Variants in PDZRN3 observed in about 807,000 individuals in gnomAD.
PDZRN3 encodes PDZ domain containing ring finger 3, also known as E3 ubiquitin-protein ligase PDZRN3.
In PDZRN3, 38 loss-of-function variants were observed where a neutral mutation model predicts 85.7. The ratio of observed to expected loss-of-function variants is 0.44; its 90% CI spans 0.34 to 0.58. The LOEUF is 0.58. Among genes scored for constraint, PDZRN3 ranks in the 20% least tolerant of loss-of-function variants. PDZRN3 has a pLI of 0.01. For synonymous variants in PDZRN3, 759 were observed against 638.0 expected (o/e 1.19, Z -2.86); for missense variants, 1,629 against 1,506.4 (o/e 1.08, Z -1.35).
chr3:73,579,547 C>T (rs1166778441), intron 3 of PDZRN3, among the ~76,000 whole-genome samples: 1 of 152,184 alleles, frequency 6.6e-6, no homozygotes, highest in Non-Finnish European at 1.5e-5. Flanking sequence ...AAAAGTACTA[C>T]TATGATTTCC....
chr3:73,413,973 C>A (rs1575634939), intron 3 of PDZRN3, among the ~76,000 whole-genome samples: 1 of 152,152 alleles, frequency 6.6e-6, no homozygotes, highest in African/African-American at 2.4e-5. Context: ...CACTAACCTA[C>A]CGGAAATTGA....
At chr3:73,577,869 A>T (rs1343486024) in intron 3 of PDZRN3, among the ~76,000 whole-genome samples, 1 of 152,198 alleles carries the variant, frequency 6.6e-6, no homozygotes, top group Non-Finnish European at 1.5e-5. Flanking sequence ...GATCTAGCCC[A>T]AAGCCTCTTT....
intron 3 of PDZRN3, among the ~76,000 whole-genome samples, chr3:73,436,632 C>T (rs183573955): frequency 6.6e-6 from 1 of 152,228 alleles, no homozygotes; most frequent in East Asian, 1.9e-4. Flanking sequence ...CCTTTTTACT[C>T]TTTGTTAGAA....
chr3:73,474,477 G>A (rs1194853235), intron 3 of PDZRN3: 1 of 1,286,374 alleles, frequency 7.8e-7, no homozygotes, highest in South Asian at 1.2e-5. Flanking sequence ...TCCACCATGG[G>A]GTTTATGTAT....
At chr3:73,524,372 C>G (rs1017598094) in intron 3 of PDZRN3, among the ~76,000 whole-genome samples, 4 of 152,174 alleles carry the variant, frequency 2.6e-5, no homozygotes, top group Non-Finnish European at 1.5e-5. Context: ...CATATTACCA[C>G]CAGCTATCAA....
At chr3:73,422,316 C>G (rs183229047) in intron 3 of PDZRN3, among the ~76,000 whole-genome samples, 2 of 152,316 alleles carry the variant, frequency 1.3e-5, no homozygotes, top group Admixed American at 1.3e-4. Context: ...TGACTCCAGG[C>G]TGCTTTGTCA....
At chr3:73,588,284 T>C (rs896851806) in intron 3 of PDZRN3, among the ~76,000 whole-genome samples, 3 of 152,238 alleles carry the variant, frequency 2.0e-5, no homozygotes, top group Middle Eastern at 3.2e-3. Context: ...TATGGCTGCA[T>C]AGTATTCCAT....
chr3:73,616,117 T>C (rs559369734), intron 1 of PDZRN3, among the ~76,000 whole-genome samples: 1 of 152,308 alleles, frequency 6.6e-6, no homozygotes, highest in East Asian at 1.9e-4. Context: ...CATTGCCTCC[T>C]TTCTCTCCAT....
intron 3 of PDZRN3, among the ~76,000 whole-genome samples, chr3:73,443,706 C>G (rs1018735341): frequency 6.6e-6 from 1 of 151,812 alleles, no homozygotes; most frequent in African/African-American, 2.4e-5. Flanking sequence ...GTTGCTCAGG[C>G]TGGTCTTGAA....
chr3:73,618,083 T>C (rs544510928), intron 1 of PDZRN3, among the ~76,000 whole-genome samples: 24 of 152,294 alleles, frequency 1.6e-4, no homozygotes, highest in African/African-American at 4.6e-4. Context: ...AATGGGAACA[T>C]GGTATGGGAT....
At chr3:73,462,784 C>T (rs546709458) in intron 3 of PDZRN3, among the ~76,000 whole-genome samples, 4 of 152,266 alleles carry the variant, frequency 2.6e-5, no homozygotes, top group Non-Finnish European at 5.9e-5. Context: ...ATACAGGGAC[C>T]ACCCTAAGCT....
At chr3:73,408,331 G>C (rs1412174870) in intron 3 of PDZRN3, 1 of 629,808 alleles carries the variant, frequency 1.6e-6, no homozygotes, top group Non-Finnish European at 2.8e-6. Context: ...TACTGGTAAT[G>C]CCTAAATGCC....
In PDZRN3 at chr3:73,624,421, G is replaced by A. The variant is rs760868152; in HGVS notation, c.405C>T (p.Asp135=). The A allele has an allele frequency of 2.3e-6, 3 of 1,303,408 alleles. No individual in the cohort carries two copies. In the South Asian group the frequency reaches 6.7e-5, roughly 29 times the overall value. The allele number at this position is 1,303,408 out of a possible 1,614,324, so 80.7% of individuals were successfully genotyped here. ...DVEAHMRDAC[D]ARPVGRCQEG... is the part of the protein sequence containing the mutation. Reference sequence around the variant, plus strand: ...CCTGGCAGCGGCCCACTGGCCGCGCGTCGCAGGCGTCGCGCATGTGCGCCT... The same window carrying A: ...CCTGGCAGCGGCCCACTGGCCGCGCATCGCAGGCGTCGCGCATGTGCGCCT... Residue 135 remains aspartate (D), a synonymous_variant, in exon 1 of 10, where the codon GAC becomes GAT. Coordinates refer to ENST00000263666, the MANE Select transcript of PDZRN3 (RefSeq NM_015009.3).
intron 3 of PDZRN3, among the ~76,000 whole-genome samples, chr3:73,452,756 T>C (rs1445474966): frequency 6.6e-6 from 1 of 152,000 alleles, no homozygotes; most frequent in Non-Finnish European, 1.5e-5. Context: ...ATGCTAACAC[T>C]TCGCTCAGTG....
chr3:73,513,156 C>G (rs1265237575), intron 3 of PDZRN3, among the ~76,000 whole-genome samples: 1 of 152,168 alleles, frequency 6.6e-6, no homozygotes, highest in Non-Finnish European at 1.5e-5. Flanking sequence ...GAAAACAGGG[C>G]AACCCAGGCT....
At chr3:73,605,054 C>T (rs977360654) in intron 2 of PDZRN3, among the ~76,000 whole-genome samples, 3 of 152,098 alleles carry the variant, frequency 2.0e-5, no homozygotes, top group Non-Finnish European at 2.9e-5. Flanking sequence ...AACCCCATCT[C>T]TAGCAATACA....
At chr3:73,457,484 C>T (rs1340127488) in intron 3 of PDZRN3, among the ~76,000 whole-genome samples, 1 of 151,958 alleles carries the variant, frequency 6.6e-6, no homozygotes, top group Non-Finnish European at 1.5e-5. Flanking sequence ...TGTTGGGTTC[C>T]AGAGAGAACC....
chr3:73,449,108 T>TTC (rs1331818904), intron 3 of PDZRN3, among the ~76,000 whole-genome samples: 1 of 152,096 alleles, frequency 6.6e-6, no homozygotes, highest in East Asian at 1.9e-4. Context: ...ATATTCTCAT[T>TTC]TCATGGTGGG....
intron 3 of PDZRN3, among the ~76,000 whole-genome samples, chr3:73,558,613 G>C (rs558273999): frequency 2.0e-5 from 3 of 152,338 alleles, no homozygotes; most frequent in East Asian, 3.9e-4. Context: ...CGCTCCCTGG[G>C]TCAGGGGCTG....
Sources: allele counts gnomAD v4.1 joint callset (sites outside exome capture counted in the v4.1 genomes callset), GRCh38; gene constraint gnomAD v4.1.1; transcripts MANE v1.5; gene names NCBI Gene and HGNC (gene_info 2026-07-23, HGNC 2026-07-21).